DMXL2: variants seen among roughly 807,000 people sequenced by gnomAD.
DMXL2 encodes the protein Dmx like 2.
A neutral mutation model predicts 331.1 loss-of-function variants in DMXL2; 103 were observed. The observed-to-expected ratio is 0.31, with a 90% CI of 0.27 to 0.37. The LOEUF (loss-of-function observed/expected upper bound fraction) is 0.37. DMXL2 is among the 10% of genes least tolerant of loss of function. The pLI is 1.00. For synonymous variants in DMXL2, 1,281 were observed against 1,252.1 expected (o/e 1.02, Z -0.49); for missense variants, 3,171 against 3,642.9 (o/e 0.87, Z 3.33).
At chr15:51,477,636 TA>T (rs1248762679) in intron 26 of DMXL2, among the ~76,000 whole-genome samples, 1 of 152,108 alleles carries the variant, frequency 6.6e-6, no homozygotes, top group Non-Finnish European at 1.5e-5. Context: ...TCTACTATTA[TA>T]AACTTTTCAT....
intron 40 of DMXL2, among the ~76,000 whole-genome samples, chr15:51,454,347 C>T (rs1302834027): frequency 6.6e-6 from 1 of 152,052 alleles, no homozygotes; most frequent in African/African-American, 2.4e-5. Flanking sequence ...TGTTCCTTTC[C>T]CCCACCATAT....
intron 1 of DMXL2, among the ~76,000 whole-genome samples, chr15:51,604,275 A>T (rs1413742016): frequency 2.6e-5 from 1 of 38,424 alleles, no homozygotes; most frequent in Non-Finnish European, 6.4e-5. Flanking sequence ...GGGCATCTAT[A>T]AAAAAAAAAC....
At chr15:51,563,165 A>G (rs918493439) in intron 6 of DMXL2, among the ~76,000 whole-genome samples, 3 of 151,626 alleles carry the variant, frequency 2.0e-5, no homozygotes, top group African/African-American at 7.3e-5. Context: ...CCAAGGTCAA[A>G]TAAGAGTAAT....
At chr15:51,469,470 A>G (rs1162865580) in intron 29 of DMXL2, among the ~76,000 whole-genome samples, 1 of 151,988 alleles carries the variant, frequency 6.6e-6, no homozygotes, top group African/African-American at 2.4e-5. Flanking sequence ...ATGTTAACAG[A>G]AAAAAAACTA....
At position 51,464,679 on chromosome 15, in the gene DMXL2, A is replaced by T. The variant is rs1354397943; in HGVS notation, c.7804T>A (p.Phe2602Ile). 6.2e-7 allele frequency: 1 copy of T among 1,613,504 alleles called. No individual in the cohort carries two copies. The highest frequency in any genetic ancestry group is 1.1e-5 in the South Asian group (1 of 91,026). ...KAMLEPENTPFKSRDSSAFPV... is the reference protein window; with the variant it reads ...KAMLEPENTPIKSRDSSAFPV... ...GCATTATAAGAGCTTTCTTACTTGA[A>T]TGGGGTATTTTCAGGTTCTAGCATT... Residue 2602 changes from phenylalanine (F) to isoleucine (I), a missense_variant, in exon 32 of 44, where the codon TTC (phenylalanine) becomes ATC (isoleucine). Physicochemically the swap from Phe to Ile is conservative, Grantham distance 21 (BLOSUM62 0). Coordinates refer to ENST00000560891, the MANE Select transcript of DMXL2 (RefSeq NM_001378457.1).
chr15:51,585,326 T>A (rs1018360259), intron 1 of DMXL2, among the ~76,000 whole-genome samples: 2 of 146,806 alleles, frequency 1.4e-5, no homozygotes, highest in African/African-American at 5.1e-5. Flanking sequence ...TTATTGAGAG[T>A]TTTTAGCATG....
Position 51,449,122 on chromosome 15 carries a change from T to C in DMXL2, c.9039A>G (p.Arg3013=), listed in dbSNP as rs1257178580. ...TCTGCATGACTCCAGCCCCAATGTT[T>C]CGAAATATGGACTGCTTAGCATGTT... is the stretch of plus-strand genomic sequence containing the variant. The part of the protein sequence containing the change: ...KSEHAKQSIF[R]NIGAGVMQID... The change falls in exon 44 of 44, where the codon CGA becomes CGG. Residue 3013 remains arginine (R), a synonymous_variant. Coordinates refer to ENST00000560891, the MANE Select transcript of DMXL2 (RefSeq NM_001378457.1). 6.2e-7 allele frequency: 1 copy of C among 1,614,178 alleles called. No homozygotes were observed. Among genetic ancestry groups the C allele is most frequent in the Admixed American group, 1.7e-5 (1 of 60,028 alleles).
intron 39 of DMXL2, 78 bp downstream of exon 39, chr15:51,455,988 C>T (rs1368429485): frequency 4.6e-6 from 7 of 1,520,632 alleles, no homozygotes; most frequent in Middle Eastern, 1.7e-4. Context: ...ATTCATTTTT[C>T]GATGCACTTT....
Position 51,450,497 on chromosome 15 carries a change from T to A in DMXL2, c.8750-151A>T, listed in dbSNP as rs1310620035. 6 of 758,114 alleles carry A rather than the reference T, an allele frequency of 7.9e-6. No individual in the cohort carries two copies. In the African/African-American group the frequency reaches 1.1e-4, roughly 13 times the overall value. The allele number at this position is 758,114 out of a possible 1,614,324, so 47.0% of individuals were successfully genotyped here. On this transcript the variant is annotated intron_variant, in intron 42 of 43. Coordinates refer to ENST00000560891, the MANE Select transcript of DMXL2 (RefSeq NM_001378457.1). ...TTTGTAAGTCATTGAATTTCTGTAATCACATGATTAAAGAAAAATGTTAAG... is the reference window on the plus strand; with the variant it reads ...TTTGTAAGTCATTGAATTTCTGTAAACACATGATTAAAGAAAAATGTTAAG...
intron 1 of DMXL2, among the ~76,000 whole-genome samples, chr15:51,617,043 C>G (rs776356582): frequency 3.3e-5 from 5 of 150,706 alleles, no homozygotes; most frequent in Non-Finnish European, 7.4e-5. Context: ...CTTGGTTTCA[C>G]AGAAGGAAAT....
At chr15:51,456,280 C>T in intron 38 of DMXL2, 29 bp downstream of exon 38, 5 of 1,596,466 alleles carry the variant, frequency 3.1e-6, no homozygotes, top group Non-Finnish European at 4.3e-6. Flanking sequence ...AATGAGGACA[C>T]TTACAATTAT....
At chr15:51,602,135 A>C (rs1368779263) in intron 1 of DMXL2, among the ~76,000 whole-genome samples, 1 of 152,160 alleles carries the variant, frequency 6.6e-6, no homozygotes, top group Non-Finnish European at 1.5e-5. Context: ...ATGCGGTAAG[A>C]AGAATGGAGT....
chr15:51,477,253 T>C (rs1273733707), intron 26 of DMXL2, among the ~76,000 whole-genome samples: 2 of 152,086 alleles, frequency 1.3e-5, no homozygotes, highest in Non-Finnish European at 2.9e-5. Context: ...CTATAATGGC[T>C]ATCTTTGTGA....
chr15:51,451,789 T>C, intron 41 of DMXL2, 92 bp from the exon 42 acceptor site: 1 of 1,077,776 alleles, frequency 9.3e-7, no homozygotes, highest in Non-Finnish European at 1.4e-6. Flanking sequence ...AATATTTTGC[T>C]TATTCATTCT....
At chr15:51,476,327 C>T (rs941260240) in intron 27 of DMXL2, among the ~76,000 whole-genome samples, 1 of 152,140 alleles carries the variant, frequency 6.6e-6, no homozygotes, top group Non-Finnish European at 1.5e-5. Context: ...TAATGTGCTC[C>T]ATCCTTATGA....
Position 51,499,423 on chromosome 15 carries a change from T to C in DMXL2, c.3801A>G (p.Glu1267=). 1 of 1,613,994 alleles carries C rather than the reference T, an allele frequency of 6.2e-7. No homozygotes were observed. Among genetic ancestry groups the C allele is most frequent in the South Asian group, 1.1e-5 (1 of 91,080 alleles). The stretch of plus-strand genomic sequence containing the variant: ...GCTTCCACTGTGCATATACATGCAT[T>C]TCACAATCCATTCCTACCACCAATA... ...DGILVVGMDC[E]MHVYAQWKHA... is the part of the protein sequence containing the mutation. Residue 1267 remains glutamate, a synonymous_variant, in exon 18 of 44, where the codon GAA becomes GAG. Transcript: ENST00000560891.
chr15:51,450,143 C>G lies in DMXL2; in HGVS notation c.8953G>C (p.Glu2985Gln). ...TACTGACTCACCTTTATGTTACCTT[C>G]TGCTGAACCTGTGGTAAAATATTCC... ...YEEYFTTGSA[E>Q]GNIKVWRLTG... The change falls in exon 43 of 44, where the codon GAA becomes CAA. Residue 2985 changes from glutamate to glutamine, a missense_variant. Glu to Gln is a conservative substitution (Grantham distance 29). Around this residue, in one of 7 missense-constraint regions of DMXL2, gnomAD observed 766 missense variants for 940.5 expected, o/e 0.81. Transcript: ENST00000560891. 1 of 1,613,912 alleles carries G rather than the reference C, an allele frequency of 6.2e-7. No individual in the cohort carries two copies. Among genetic ancestry groups the G allele is most frequent in the Non-Finnish European group, 8.5e-7 (1 of 1,179,962 alleles).
intron 23 of DMXL2, among the ~76,000 whole-genome samples, chr15:51,484,149 T>C (rs2042222243): frequency 6.6e-6 from 1 of 151,762 alleles, no homozygotes; most frequent in Non-Finnish European, 1.5e-5. Context: ...AATAGCCTTA[T>C]CCCCACCCCT....
chr15:51,466,067 AT>A (rs2040540985), intron 30 of DMXL2, 116 bp downstream of exon 30: 1 of 922,604 alleles, frequency 1.1e-6, no homozygotes, highest in Non-Finnish European at 1.6e-6. Flanking sequence ...ACCTGGAAAC[AT>A]AAGTCATTTC....
Sources: gnomAD v4.1 joint callset for allele counts (sites outside exome capture counted in the v4.1 genomes callset) on GRCh38, gnomAD v4.1.1 for gene constraint, gnomAD v4.1.1 regional missense constraint, MANE v1.5 for transcripts, NCBI Gene and HGNC (gene_info 2026-07-23, HGNC 2026-07-21) for gene names.